SBF2: variants seen among roughly 807,000 people sequenced by gnomAD.
SBF2 encodes the protein SET binding factor 2.
Under a neutral mutation model 225.2 loss-of-function variants are expected in SBF2, and 112 were observed. The ratio of observed to expected loss-of-function variants is 0.50; its 90% CI spans 0.43 to 0.58. SBF2 has a LOEUF of 0.58. Among genes scored for constraint, SBF2 ranks in the 20% least tolerant of loss-of-function variants. The pLI is 0.00. For synonymous variants in SBF2, 763 were observed against 773.3 expected, an observed-to-expected ratio of 0.99 and a Z score of 0.22; for missense variants, 1,996 against 2,206.2, an observed-to-expected ratio of 0.90 and a Z score of 1.91.
At chr11:9,816,430 CTA>C (rs1330638763) in intron 29 of SBF2, among the ~76,000 whole-genome samples, 2 of 152,118 alleles carry the variant, frequency 1.3e-5, no homozygotes, top group African/African-American at 2.4e-5. Context: ...CTCCATTCTT[CTA>C]TGTTTCTGTA....
At chr11:9,849,689 T>A (rs1353780299) in intron 22 of SBF2, among the ~76,000 whole-genome samples, 1 of 152,192 alleles carries the variant, frequency 6.6e-6, no homozygotes, top group African/African-American at 2.4e-5. Flanking sequence ...ACTGTAGGAC[T>A]CAGAAAGCGT....
At chr11:10,210,167 G>C (rs1486918657) in intron 1 of SBF2, among the ~76,000 whole-genome samples, 2 of 152,038 alleles carry the variant, frequency 1.3e-5, no homozygotes, top group Non-Finnish European at 2.9e-5. Flanking sequence ...AATTAGCTGA[G>C]TGTGGTGTTG....
chr11:9,891,911 G>A (rs1860854827), intron 17 of SBF2, among the ~76,000 whole-genome samples: 1 of 152,048 alleles, frequency 6.6e-6, no homozygotes, highest in Non-Finnish European at 1.5e-5. Flanking sequence ...CCTTTCATCT[G>A]GGCTAATGAA....
rs150265909 is a variant in SBF2, at chr11:9,945,894, C to T, written c.1860+16063G>A. Reference sequence around the variant, plus strand: ...AACCACAATGAGATACCATCTCACACGAGTCAGAGTGGACTATTATTAAAA... The same window carrying T: ...AACCACAATGAGATACCATCTCACATGAGTCAGAGTGGACTATTATTAAAA... On this transcript the variant is annotated intron_variant, in intron 16 of 39. Coordinates refer to ENST00000256190, the MANE Select transcript of SBF2 (RefSeq NM_030962.4). Among the ~76,000 whole-genome samples, 102 of 152,002 alleles carry T rather than the reference C, an allele frequency of 6.7e-4. 1 individual carries two copies. In the East Asian group the frequency reaches 0.017, roughly 25 times the overall value.
At position 9,805,623 on chromosome 11, in the gene SBF2, AT is replaced by A. The variant is rs534723545; in HGVS notation, c.4443+2376del. Reference sequence around the variant, plus strand: ...AGCAATTCTACTTAGGATATTCTAGATTTTTTTTTTTTCCCCCAAGACGGAG... The same window carrying A: ...AGCAATTCTACTTAGGATATTCTAGATTTTTTTTTTTCCCCCAAGACGGAG... On this transcript the variant is annotated intron_variant, in intron 32 of 39. Transcript: ENST00000256190. Among the ~76,000 whole-genome samples the A allele has an allele frequency of 9.0e-3, 1,314 of 146,664 alleles. 5 individuals are homozygous for A. The highest frequency in any genetic ancestry group is 0.018 in the African/African-American group (726 of 40,352).
At chr11:10,081,953 T>A (rs1951385466) in intron 2 of SBF2, among the ~76,000 whole-genome samples, 1 of 151,758 alleles carries the variant, frequency 6.6e-6, no homozygotes, top group African/African-American at 2.4e-5. Context: ...AAAAAGTTGA[T>A]ACTTAGAAAA....
intron 2 of SBF2, among the ~76,000 whole-genome samples, chr11:10,154,391 C>T (rs1324936633): frequency 2.6e-5 from 4 of 151,832 alleles, no homozygotes; most frequent in Non-Finnish European, 5.9e-5. Context: ...TTTCTTCTGG[C>T]CTATATTTTA....
chr11:10,153,655 G>C (rs781542829), intron 2 of SBF2, among the ~76,000 whole-genome samples: 1 of 151,814 alleles, frequency 6.6e-6, no homozygotes, highest in African/African-American at 2.4e-5. Context: ...GTAAGCAGAA[G>C]GAGGAAAATA....
intron 2 of SBF2, among the ~76,000 whole-genome samples, chr11:10,100,000 C>G (rs1488867325): frequency 6.6e-6 from 1 of 152,090 alleles, no homozygotes; most frequent in Non-Finnish European, 1.5e-5. Context: ...TCTTATCTAT[C>G]AATAATTACT....
At position 9,785,470 on chromosome 11, in the gene SBF2, T is replaced by G. The variant is rs76480501; in HGVS notation, c.5038-152A>C. 2.9e-3 allele frequency: 1,995 copies of G among 688,952 alleles called. 33 individuals carry two copies. The African/African-American group carries it at 0.032, about 11-fold the overall frequency. 42.7% of individuals were successfully genotyped at this position (688,952 alleles called of 1,614,324 possible). On this transcript the variant is annotated intron_variant, in intron 36 of 39. Transcript: ENST00000256190. ...GTATCAATCTCAGAGTTAGTTATCG[T>G]GGTAAAAAACTGGAAACAACCTACA...
intron 1 of SBF2, among the ~76,000 whole-genome samples, chr11:10,268,904 T>A (rs775259658): frequency 1.1e-3 from 166 of 152,328 alleles, no homozygotes; most frequent in Non-Finnish European, 1.8e-3. Flanking sequence ...AGAGATGTAA[T>A]CTGAAGGTCT....
chr11:9,828,183 T>G (rs1409313265), intron 28 of SBF2: 13 of 1,289,626 alleles, frequency 1.0e-5, no homozygotes, highest in Non-Finnish European at 1.1e-5. Context: ...ACTACCTGCT[T>G]AAGCACAGTG....
chr11:9,861,147 T>A (rs1857701420), intron 17 of SBF2, among the ~76,000 whole-genome samples: 1 of 152,226 alleles, frequency 6.6e-6, no homozygotes. Flanking sequence ...CCAATGAACA[T>A]TTCTTCTGAG....
intron 33 of SBF2, among the ~76,000 whole-genome samples, chr11:9,795,086 C>G (rs1564860188): frequency 6.6e-6 from 1 of 152,158 alleles, no homozygotes; most frequent in Non-Finnish European, 1.5e-5. Flanking sequence ...TGTGTTTCCT[C>G]TCCCCCGTAA....
intron 2 of SBF2, among the ~76,000 whole-genome samples, chr11:10,112,120 T>C (rs936744625): frequency 6.6e-6 from 1 of 152,188 alleles, no homozygotes; most frequent in Non-Finnish European, 1.5e-5. Flanking sequence ...CATGATAAAG[T>C]TTGAACCCCT....
chr11:9,998,161 T>C, intron 9 of SBF2, 105 bp downstream of exon 9: 1 of 713,274 alleles, frequency 1.4e-6, no homozygotes, highest in Non-Finnish European at 2.5e-6. Context: ...TATAGCTCTC[T>C]TTAAATTAAA....
chr11:10,292,901 A>C (rs1056235866), intron 1 of SBF2, among the ~76,000 whole-genome samples: 1 of 152,188 alleles, frequency 6.6e-6, no homozygotes, highest in Admixed American at 6.5e-5. Flanking sequence ...TGACTGGTGA[A>C]AGAGAAAAGA....
intron 1 of SBF2, among the ~76,000 whole-genome samples, chr11:10,215,740 T>C (rs950718506): frequency 2.6e-5 from 4 of 152,228 alleles, no homozygotes; most frequent in Non-Finnish European, 5.9e-5. Context: ...CCTTCATAAC[T>C]GCTCTCCCTG....
At chr11:9,810,437 C>T (rs1854118911) in intron 30 of SBF2, 1 of 152,034 alleles carries the variant, frequency 6.6e-6, no homozygotes, top group African/African-American at 2.4e-5. Flanking sequence ...ATTTTAAAAC[C>T]AGATGTATAA....
Sources: allele counts gnomAD v4.1 joint callset (sites outside exome capture counted in the v4.1 genomes callset), GRCh38; gene constraint gnomAD v4.1.1; transcripts MANE v1.5; gene names NCBI Gene and HGNC (gene_info 2026-07-23, HGNC 2026-07-21).